IRAG2: variants seen among roughly 807,000 people sequenced by gnomAD.
The protein encoded by IRAG2 is lymphoid restricted membrane protein.
Under a neutral mutation model 69.9 loss-of-function variants are expected in IRAG2, and 45 were observed. The observed-to-expected ratio is 0.64, with a 90% confidence interval of 0.51 to 0.83. The LOEUF (loss-of-function observed/expected upper bound fraction) is 0.83. IRAG2 is among the 40% of genes least tolerant of loss of function. IRAG2 has a pLI of 0.00. For synonymous variants in IRAG2, 193 were observed against 202.4 expected (o/e 0.95, Z 0.40); for missense variants, 520 against 587.0 (o/e 0.89, Z 1.18).
chr12:25,051,398 C>T (rs901510124), upstream of IRAG2, among the ~76,000 whole-genome samples: 15 of 152,202 alleles, frequency 9.9e-5, no homozygotes, highest in Admixed American at 1.3e-4. Context: ...ACAAGGCCTA[C>T]GGCTGACAAT....
chr12:24,999,446 A>T (rs1944375007), upstream of IRAG2, among the ~76,000 whole-genome samples: 1 of 152,208 alleles, frequency 6.6e-6, no homozygotes, highest in African/African-American at 2.4e-5. Flanking sequence ...CAATAATAAT[A>T]ATGGGACTCA....
At position 25,108,196 on chromosome 12, in the gene IRAG2, CCT is replaced by C. The variant is rs746900549; in HGVS notation, c.*139_*140del. 9.5e-6 allele frequency: 9 copies of C among 945,508 alleles called. No individual in the cohort carries two copies. The highest frequency in any genetic ancestry group is 1.4e-5 in the Non-Finnish European group (9 of 649,802). The allele number at this position is 945,508 out of a possible 1,614,324, so 58.6% of individuals were successfully genotyped here. ...AATGACTGTAAGATAGCTTACATTTCCTCTTTTTGCCTTTATCTCCCCAACTA... is the reference window on the plus strand; with the variant it reads ...AATGACTGTAAGATAGCTTACATTTCCTTTTTGCCTTTATCTCCCCAACTA... On this transcript the variant is annotated 3_prime_UTR_variant, in exon 22 of 22. Coordinates refer to ENST00000556887, the MANE Select transcript of IRAG2 (RefSeq NM_001366544.2).
chr12:25,015,967 G>A (rs1591925246), intron 5 of IRAG2, among the ~76,000 whole-genome samples: 3 of 152,270 alleles, frequency 2.0e-5, no homozygotes, highest in African/African-American at 2.4e-5. Context: ...AGGCCGAGGC[G>A]GATGGATCAC....
intron 9 of IRAG2, among the ~76,000 whole-genome samples, chr12:25,027,440 G>GC (rs1165534017): frequency 8.7e-5 from 13 of 149,028 alleles, no homozygotes; most frequent in African/African-American, 3.2e-4. Context: ...TTTTGCCCAG[G>GC]CTGGAGTGCA....
At chr12:25,084,805 G>A (rs1252622327) in intron 10 of IRAG2, among the ~76,000 whole-genome samples, 1 of 152,338 alleles carries the variant, frequency 6.6e-6, no homozygotes, top group African/African-American at 2.4e-5. Flanking sequence ...AGAGGCGATT[G>A]ATTCCAAGAA....
intron 1 of IRAG2, among the ~76,000 whole-genome samples, 165 bp downstream of exon 1, chr12:25,053,121 A>G (rs778515915): frequency 3.3e-5 from 5 of 152,074 alleles, no homozygotes; most frequent in Non-Finnish European, 5.9e-5. Context: ...AGGTTTGCTG[A>G]GTGGCTAGGT....
chr12:25,004,427 A>G, exon 1 of IRAG2: 1 of 1,232,150 alleles, frequency 8.1e-7, no homozygotes, highest in Non-Finnish European at 1.0e-6. Context: ...CACAAGAGAG[A>G]AGCAATTTCA....
At chr12:25,038,640 CAAA>C (rs376380706) in intron 16 of IRAG2, among the ~76,000 whole-genome samples, 1 of 105,192 alleles carries the variant, frequency 9.5e-6, no homozygotes, top group Non-Finnish European at 2.1e-5. Flanking sequence ...GACTCCATTT[CAAA>C]AAAAAAAAAA....
intron 11 of IRAG2, chr12:25,032,212 T>C (rs1944673717): frequency 2.5e-6 from 1 of 399,062 alleles, no homozygotes; most frequent in Non-Finnish European, 4.4e-6. Flanking sequence ...GTATACCTGT[T>C]ATTATTAATC....
chr12:25,102,500 C>T lies in IRAG2; in HGVS notation c.933+259C>T, dbSNP rs566359281. Reference sequence around the variant, plus strand: ...AAACTGAAGTTGGAAGTGGGTAACCCGACAATGGCACAGCAGCTTCACAAG... The same window carrying T: ...AAACTGAAGTTGGAAGTGGGTAACCTGACAATGGCACAGCAGCTTCACAAG... On this transcript the variant is annotated intron_variant, in intron 17 of 21. Coordinates refer to ENST00000556887, the MANE Select transcript of IRAG2 (RefSeq NM_001366544.2). 3.7e-4 allele frequency: 165 copies of T among 446,662 alleles called. No homozygotes were observed. In the Middle Eastern group the frequency reaches 5.1e-3, roughly 14 times the overall value. The allele number at this position is 446,662 out of a possible 1,614,324, so 27.7% of individuals were successfully genotyped here. A position where few individuals can be genotyped will look rare whatever the true frequency, so the allele number is the denominator to read the frequency against.
intron 2 of IRAG2, chr12:25,005,407 GAA>G: frequency 1.3e-6 from 1 of 756,852 alleles, no homozygotes; most frequent in Non-Finnish European, 1.8e-6. Flanking sequence ...CAAGTCATCT[GAA>G]CTTTCTATTG....
chr12:24,999,041 A>G, the IRAG2 span, among the ~76,000 whole-genome samples: 6 of 152,204 alleles, frequency 3.9e-5, no homozygotes, highest in Non-Finnish European at 8.8e-5. Flanking sequence ...ATTCTTTGCA[A>G]TAAAATGCAA....
At chr12:25,050,478 G>C (rs1944838764), upstream of IRAG2, among the ~76,000 whole-genome samples, 1 of 143,892 alleles carries the variant, frequency 6.9e-6, no homozygotes. Flanking sequence ...GCAGTGAGCT[G>C]AGATCGCGCC....
chr12:25,020,779 C>A (rs577249392), intron 6 of IRAG2: 27 of 1,203,672 alleles, frequency 2.2e-5, no homozygotes, highest in East Asian at 1.3e-4. Flanking sequence ...CTTCTCCCCC[C>A]ACCCCCACAG....
chr12:25,037,193 ACTT>A (rs1944708738), intron 15 of IRAG2, among the ~76,000 whole-genome samples: 1 of 152,132 alleles, frequency 6.6e-6, no homozygotes, highest in South Asian at 2.1e-4. Context: ...ATTTACCTCT[ACTT>A]CTTGACTGCC....
rs1410377202 is a variant in IRAG2, at chr12:25,052,718, A to T, written c.-685A>T. 1 of 398,262 alleles carries T rather than the reference A, an allele frequency of 2.5e-6. No individual in the cohort carries two copies. Among genetic ancestry groups the T allele is most frequent in the Non-Finnish European group, 4.4e-6 (1 of 226,038 alleles). The allele number at this position is 398,262 out of a possible 1,614,324, so 24.7% of individuals were successfully genotyped here. On this transcript the variant is annotated 5_prime_UTR_variant, in exon 1 of 22. Coordinates refer to ENST00000556887, the MANE Select transcript of IRAG2 (RefSeq NM_001366544.2). Reference sequence around the variant, plus strand: ...AAAACACATTTTCAGTTTTGCCTGCATCATAAGAGTGAGCACTCCATTGCT... The same window carrying T: ...AAAACACATTTTCAGTTTTGCCTGCTTCATAAGAGTGAGCACTCCATTGCT...
upstream of IRAG2, among the ~76,000 whole-genome samples, chr12:25,051,862 G>C (rs1944881691): frequency 6.6e-6 from 1 of 152,080 alleles, no homozygotes; most frequent in Non-Finnish European, 1.5e-5. Flanking sequence ...GTAAAAGCTA[G>C]CTGTGATGTG....
intron 3 of IRAG2, among the ~76,000 whole-genome samples, chr12:25,013,677 A>G (rs1161790262): frequency 6.6e-6 from 1 of 152,174 alleles, no homozygotes; most frequent in Non-Finnish European, 1.5e-5. Context: ...AATACTAGTC[A>G]TTTAAAGTAA....
intron 5 of IRAG2, among the ~76,000 whole-genome samples, chr12:25,068,098 C>G (rs1292528135): frequency 6.6e-6 from 1 of 152,138 alleles, no homozygotes; most frequent in Non-Finnish European, 1.5e-5. Context: ...ACCTCAGCCT[C>G]CCAAAGTGCT....
Sources: gnomAD v4.1 joint callset for allele counts (sites outside exome capture counted in the v4.1 genomes callset) on GRCh38, gnomAD v4.1.1 for gene constraint, MANE v1.5 for transcripts, NCBI Gene and HGNC (gene_info 2026-07-23, HGNC 2026-07-21) for gene names.